Variants in MROH9 observed in about 807,000 individuals in gnomAD.
The protein encoded by MROH9 is maestro heat-like repeat-containing protein family member 9.
Under a neutral mutation model 98.2 loss-of-function variants are expected in MROH9, and 92 were observed. That is an observed-to-expected ratio of 0.94 (90% confidence interval 0.79 to 1.11). The LOEUF is 1.11. Among genes scored for constraint, MROH9 ranks in the 50% most tolerant of loss-of-function variants. MROH9 has a pLI of 0.00. For synonymous variants in MROH9, 397 were observed against 368.9 expected, an observed-to-expected ratio of 1.08 and a Z score of -0.87; for missense variants, 1,057 against 1,014.8, an observed-to-expected ratio of 1.04 and a Z score of -0.57.
intron 3 of MROH9, among the ~76,000 whole-genome samples, chr1:170,957,384 C>T (rs960808006): frequency 6.6e-6 from 1 of 152,132 alleles, no homozygotes; most frequent in Non-Finnish European, 1.5e-5. Flanking sequence ...CATTTATTTG[C>T]TTATGGACAT....
Position 170,971,753 on chromosome 1 carries a change from T to C in MROH9, c.486T>C (p.Ser162=). Reference sequence around the variant, plus strand: ...CTCCTTTGTTTCTCCATTAGATAAGTGTTGATGCTCCATGTTTGGGTCTCC... The same window carrying C: ...CTCCTTTGTTTCTCCATTAGATAAGCGTTGATGCTCCATGTTTGGGTCTCC... ...FTVTKVRKYI[S]VDAPCLGLLA... is the part of the protein sequence containing the mutation. The change falls in exon 8 of 22, where the codon AGT becomes AGC. Residue 162 remains serine, a synonymous_variant. Transcript: ENST00000367759. 1 of 1,614,022 alleles carries C rather than the reference T, an allele frequency of 6.2e-7. No individual in the cohort carries two copies. The highest frequency in any genetic ancestry group is 1.3e-5 in the African/African-American group (1 of 75,048).
At chr1:170,948,044 A>G (rs1162773062) in intron 3 of MROH9, among the ~76,000 whole-genome samples, 3 of 151,932 alleles carry the variant, frequency 2.0e-5, no homozygotes, top group Non-Finnish European at 4.4e-5. Flanking sequence ...GGCCTTTTGC[A>G]GATTTCTTGT....
chr1:171,004,924 T>C (rs1173430906), intron 15 of MROH9, among the ~76,000 whole-genome samples: 4 of 152,182 alleles, frequency 2.6e-5, no homozygotes, highest in Non-Finnish European at 1.5e-5. Flanking sequence ...CCCAACTTTA[T>C]TGTTTTTCAA....
intron 8 of MROH9, among the ~76,000 whole-genome samples, chr1:170,981,694 C>G (rs1650935717): frequency 6.6e-6 from 1 of 151,080 alleles, no homozygotes; most frequent in African/African-American, 2.4e-5. Flanking sequence ...ATGGAACAAA[C>G]CTGCACGTTC....
chr1:170,987,539 G>A (rs746261084), intron 10 of MROH9, among the ~76,000 whole-genome samples: 5 of 152,104 alleles, frequency 3.3e-5, no homozygotes, highest in Non-Finnish European at 5.9e-5. Flanking sequence ...GCTATTTAAC[G>A]TCTTTCTAAG....
intron 8 of MROH9, among the ~76,000 whole-genome samples, chr1:170,972,273 A>C (rs1650487770): frequency 6.6e-6 from 1 of 152,216 alleles, no homozygotes; most frequent in Admixed American, 6.5e-5. Flanking sequence ...GAGAAAAATA[A>C]GACTAGGATT....
At chr1:171,037,615 A>C (rs1013614752) in intron 20 of MROH9, among the ~76,000 whole-genome samples, 8 of 152,040 alleles carry the variant, frequency 5.3e-5, no homozygotes, top group Admixed American at 1.3e-4. Flanking sequence ...CTGATTCTAA[A>C]ATTAAAGTAG....
chr1:170,964,523 T>C (rs185373743), intron 6 of MROH9, among the ~76,000 whole-genome samples: 2 of 152,224 alleles, frequency 1.3e-5, no homozygotes, highest in East Asian at 3.9e-4. Context: ...GCGATTGGCA[T>C]ATGAGGCATA....
At chr1:170,968,106 C>T (rs1385119927) in intron 7 of MROH9, among the ~76,000 whole-genome samples, 2 of 152,014 alleles carry the variant, frequency 1.3e-5, no homozygotes, top group Non-Finnish European at 2.9e-5. Context: ...TGGTGGGAAC[C>T]CATGAGCATT....
In MROH9 at chr1:171,025,381, C is replaced by G; in HGVS notation, c.2242C>G (p.Pro748Ala). ...TGATACCTTACGATTCCTGTGGAGC[C>G]CCAGAACATATCTTAAGAGGGCATC... ...TSDTLRFLWS[P>A]RTYLKRASVI... Residue 748 changes from proline to alanine, a missense_variant, in exon 20 of 22, where the codon CCC becomes GCC. Pro to Ala is a conservative substitution (Grantham distance 27). Transcript: ENST00000367759. 1 of 1,549,822 alleles carries G rather than the reference C, an allele frequency of 6.5e-7. No individual in the cohort carries two copies. Among genetic ancestry groups the G allele is most frequent in the Non-Finnish European group, 8.7e-7 (1 of 1,145,566 alleles).
chr1:171,010,654 G>A (rs1652118158), intron 15 of MROH9, among the ~76,000 whole-genome samples: 1 of 152,172 alleles, frequency 6.6e-6, no homozygotes, highest in Non-Finnish European at 1.5e-5. Context: ...TTATCTCACT[G>A]TGGTTTTGAT....
At chr1:171,036,324 T>C (rs921801845) in intron 20 of MROH9, among the ~76,000 whole-genome samples, 4 of 152,096 alleles carry the variant, frequency 2.6e-5, no homozygotes, top group African/African-American at 9.6e-5. Flanking sequence ...TGTACTTTTA[T>C]ATGTGTACTT....
Position 170,959,561 on chromosome 1 carries a change from A to C in MROH9, c.252A>C (p.Glu84Asp). The change falls in exon 5 of 22, where the codon GAA (glutamate) becomes GAC (aspartate). Residue 84 changes from glutamate (E) to aspartate (D), a missense_variant. Transcript: ENST00000367759. ...VVMPSLDKVK[E>D]MGSSYEYIED... ...TGCCAAGTCTTGACAAAGTAAAAGAAATGGGGAGCAGTTATGAGTACATTG... is the reference window on the plus strand; with the variant it reads ...TGCCAAGTCTTGACAAAGTAAAAGACATGGGGAGCAGTTATGAGTACATTG... 6.2e-7 allele frequency: 1 copy of C among 1,613,826 alleles called. No individual in the cohort carries two copies. Among genetic ancestry groups the C allele is most frequent in the South Asian group, 1.1e-5 (1 of 90,988 alleles).
At chr1:170,951,047 T>C (rs1393246080) in intron 3 of MROH9, among the ~76,000 whole-genome samples, 3 of 152,030 alleles carry the variant, frequency 2.0e-5, no homozygotes, top group African/African-American at 7.2e-5. Context: ...TGTCTTCCTA[T>C]GTGGATTTGA....
rs1339054910 is a variant in MROH9, at chr1:170,989,969, T to C, written c.994T>C (p.Phe332Leu). ...ATGCACTTCACCCAAGAAGGTCATCTTTCAACTTATGGACTACCCAGTTCC... is the reference window on the plus strand; with the variant it reads ...ATGCACTTCACCCAAGAAGGTCATCCTTCAACTTATGGACTACCCAGTTCC... ...LTCTSPKKVIFQLMDYPVPAD... is the reference protein window; with the variant it reads ...LTCTSPKKVILQLMDYPVPAD... The change falls in exon 11 of 22, where the codon TTT becomes CTT. Residue 332 changes from phenylalanine to leucine, a missense_variant. Coordinates refer to ENST00000367759, the MANE Select transcript of MROH9 (RefSeq NM_001163629.2). 8.1e-6 allele frequency: 13 copies of C among 1,612,904 alleles called. No homozygotes were observed. Among genetic ancestry groups the C allele is most frequent in the Non-Finnish European group, 1.0e-5 (12 of 1,179,300 alleles).
chr1:170,992,048 G>C, intron 11 of MROH9, 116 bp from the exon 12 acceptor site: 1 of 1,063,886 alleles, frequency 9.4e-7, no homozygotes, highest in Admixed American at 3.5e-5. Flanking sequence ...CATGTCTGCA[G>C]TGTCTTTGCT....
chr1:170,987,940 C>T (rs557793085), intron 10 of MROH9, among the ~76,000 whole-genome samples: 7 of 152,260 alleles, frequency 4.6e-5, no homozygotes, highest in South Asian at 4.1e-4. Context: ...CAATAAGATG[C>T]TTATCTTGTT....
intron 20 of MROH9, among the ~76,000 whole-genome samples, chr1:171,028,719 G>A (rs2101846395): frequency 6.6e-6 from 1 of 152,204 alleles, no homozygotes; most frequent in Middle Eastern, 3.4e-3. Context: ...GTGGTTTGTA[G>A]TTCTCCTTAA....
chr1:170,960,241 A>G (rs920924501), intron 5 of MROH9, among the ~76,000 whole-genome samples: 14 of 152,122 alleles, frequency 9.2e-5, no homozygotes, highest in African/African-American at 2.9e-4. Context: ...GTAGGCTGCT[A>G]TTTTTTTACA....
Sources: allele counts gnomAD v4.1 joint callset (sites outside exome capture counted in the v4.1 genomes callset), GRCh38; gene constraint gnomAD v4.1.1; transcripts MANE v1.5; gene names NCBI Gene and HGNC (gene_info 2026-07-23, HGNC 2026-07-21).